The following TENM1 variants were observed in gnomAD, a reference collection of about 807,000 sequenced individuals.
TENM1 encodes teneurin-1.
TENM1 carries 35 observed loss-of-function variants against 174.8 expected under a neutral mutation model. That is an observed-to-expected ratio of 0.20 (90% CI 0.15 to 0.27). The LOEUF (loss-of-function observed/expected upper bound fraction) is 0.27. Ranked by LOEUF, TENM1 falls within the 10% of genes least tolerant of loss-of-function variation. TENM1 has a pLI of 1.00. For missense variants in TENM1, 1,633 were observed against 2,130.1 expected, an observed-to-expected ratio of 0.77 and a Z score of 4.59; for synonymous variants, 781 against 798.7, an observed-to-expected ratio of 0.98 and a Z score of 0.37.
At chrX:124,941,987 C>CT (rs2058334668) in intron 1 of TENM1, among the ~76,000 whole-genome samples, 1 of 111,476 alleles carries the variant, frequency 9.0e-6, no homozygotes, top group Middle Eastern at 4.6e-3. Context: ...GACTTATTCA[C>CT]TGCCATGAGA....
chrX:124,731,461 G>T (rs778582522), intron 4 of TENM1, among the ~76,000 whole-genome samples: 13 of 111,872 alleles, frequency 1.2e-4, no homozygotes, highest in South Asian at 1.1e-3. Context: ...AGGTCTTGGA[G>T]ATTGGATTAC....
At chrX:124,762,327 T>C (rs1027592101) in intron 3 of TENM1, among the ~76,000 whole-genome samples, 4 of 112,479 alleles carry the variant, frequency 3.6e-5, no homozygotes, top group African/African-American at 1.3e-4. Flanking sequence ...ATCTAGATAA[T>C]GTATTAACAC....
At chrX:125,025,685 C>T in the TENM1 span, among the ~76,000 whole-genome samples, 4 of 110,576 alleles carry the variant, frequency 3.6e-5, no homozygotes, top group African/African-American at 9.9e-5. Context: ...AATTAGTGAC[C>T]GGGGAAGAAA....
the TENM1 span, among the ~76,000 whole-genome samples, chrX:125,053,654 G>A: frequency 9.0e-6 from 1 of 111,537 alleles, no homozygotes; most frequent in African/African-American, 3.3e-5. Flanking sequence ...TGTATCGTAG[G>A]TTTGGGTTCT....
intron 23 of TENM1, among the ~76,000 whole-genome samples, chrX:124,436,511 T>C (rs1175497123): frequency 1.8e-5 from 2 of 108,960 alleles, no homozygotes; most frequent in Non-Finnish European, 3.8e-5. Context: ...TTTTTTTTTT[T>C]GAGACTGAGT....
chrX:124,786,306 T>C (rs1933591102), intron 3 of TENM1, among the ~76,000 whole-genome samples: 1 of 111,754 alleles, frequency 8.9e-6, no homozygotes, highest in Admixed American at 9.6e-5. Flanking sequence ...ATATGTGATC[T>C]GGCAAATGTA....
At chrX:124,970,721 AGTGTG>A in the TENM1 span, among the ~76,000 whole-genome samples, 16 of 111,796 alleles carry the variant, frequency 1.4e-4, no homozygotes, top group Middle Eastern at 4.2e-3. Flanking sequence ...TGTGGAAGAC[AGTGTG>A]GTGATTCCTC....
At chrX:125,200,346 T>C in the TENM1 span, among the ~76,000 whole-genome samples, 1 of 111,203 alleles carries the variant, frequency 9.0e-6, no homozygotes, top group South Asian at 3.7e-4. Context: ...TTGATTCCTT[T>C]TAATTTTTAT....
At chrX:124,890,248 G>A (rs1275981066) in intron 3 of TENM1, among the ~76,000 whole-genome samples, 1 of 111,583 alleles carries the variant, frequency 9.0e-6, no homozygotes, top group East Asian at 2.8e-4. Flanking sequence ...CACATTCTTG[G>A]AAATTGATTA....
At chrX:124,521,967 A>G (rs141281677) in intron 17 of TENM1, among the ~76,000 whole-genome samples, 1 of 111,810 alleles carries the variant, frequency 8.9e-6, no homozygotes, top group Non-Finnish European at 1.9e-5. Context: ...CAGAAGTACA[A>G]TAGAGAAGGA....
chrX:124,464,788 T>G (rs898422248), intron 22 of TENM1, among the ~76,000 whole-genome samples: 1 of 111,859 alleles, frequency 8.9e-6, no homozygotes, highest in Non-Finnish European at 1.9e-5. Flanking sequence ...ATAAACAACT[T>G]CTTTTACTGT....
the TENM1 span, among the ~76,000 whole-genome samples, chrX:124,972,894 T>C: frequency 8.9e-6 from 1 of 112,095 alleles, no homozygotes; most frequent in Admixed American, 9.5e-5. Flanking sequence ...CATCTTAGTT[T>C]GTTTTGTGTT....
chrX:124,793,529 A>G (rs1457668199), intron 3 of TENM1, among the ~76,000 whole-genome samples: 1 of 111,648 alleles, frequency 9.0e-6, no homozygotes, highest in Non-Finnish European at 1.9e-5. Flanking sequence ...GTTATATTAT[A>G]CTGAAACTGA....
chrX:125,062,263 C>A, the TENM1 span, among the ~76,000 whole-genome samples: 1 of 111,853 alleles, frequency 8.9e-6, no homozygotes, highest in Non-Finnish European at 1.9e-5. Context: ...TCTCCATAAT[C>A]ATCATCATCA....
At chrX:124,963,839 A>G, upstream of TENM1, 2 of 765,594 alleles carry the variant, frequency 2.6e-6, no homozygotes, top group Non-Finnish European at 3.9e-6. Context: ...AGGGAAAAAC[A>G]CAAGCCTTCT....
intron 1 of TENM1, 29 bp from the exon 5 acceptor site, chrX:124,896,270 G>A (rs373463054): frequency 1.3e-4 from 158 of 1,179,959 alleles, no homozygotes; most frequent in Admixed American, 3.2e-4. Flanking sequence ...CAGAGAAAAC[G>A]TTTAGAAGTA....
the TENM1 span, among the ~76,000 whole-genome samples, chrX:125,090,473 C>T: frequency 9.9e-6 from 1 of 101,373 alleles, no homozygotes; most frequent in African/African-American, 3.8e-5. Flanking sequence ...TGCCAAAACC[C>T]TGGCTCTACA....
intron 11 of TENM1, among the ~76,000 whole-genome samples, chrX:124,579,117 T>A (rs1163079519): frequency 8.9e-6 from 1 of 111,939 alleles, no homozygotes; most frequent in Non-Finnish European, 1.9e-5. Flanking sequence ...ATGTTGCTCA[T>A]GTTACATTGT....
chrX:125,127,071 C>T, the TENM1 span, among the ~76,000 whole-genome samples: 1 of 111,676 alleles, frequency 9.0e-6, no homozygotes, highest in African/African-American at 3.3e-5. Flanking sequence ...ATGCAAAAAT[C>T]CTGACTTGGC....
Sources: allele counts gnomAD v4.1 joint callset (sites outside exome capture counted in the v4.1 genomes callset), GRCh38; gene constraint gnomAD v4.1.1; transcripts MANE v1.5; gene names NCBI Gene and HGNC (gene_info 2026-07-23, HGNC 2026-07-21).